CFAP96: variants seen among roughly 807,000 people sequenced by gnomAD.
CFAP96 encodes cilia and flagella associated protein 96.
At chr4:185,415,004 G>GA in the CFAP96 span, 1 of 640,566 alleles carries the variant, frequency 1.6e-6, no homozygotes, top group Non-Finnish European at 2.5e-6. Flanking sequence ...CATGAGAACA[G>GA]AAATTAAATA....
chr4:185,413,131 C>A, the CFAP96 span, among the ~76,000 whole-genome samples: 5 of 152,108 alleles, frequency 3.3e-5, no homozygotes, highest in Non-Finnish European at 7.4e-5. Context: ...ATGGTGAAAT[C>A]CTGTCTCTAC....
the CFAP96 span, chr4:185,426,122 C>T: frequency 1.8e-6 from 1 of 564,542 alleles, no homozygotes; most frequent in Non-Finnish European, 3.2e-6. Context: ...TACAGAAGCT[C>T]ACACATCCTT....
chr4:185,422,633 A>C, the CFAP96 span: 19 of 1,050,390 alleles, frequency 1.8e-5, no homozygotes, highest in Non-Finnish European at 2.6e-5. Flanking sequence ...ATAAATTAGA[A>C]TCTAAGTTTA....
At chr4:185,438,916 A>G in the CFAP96 span, among the ~76,000 whole-genome samples, 6 of 152,242 alleles carry the variant, frequency 3.9e-5, no homozygotes, top group Admixed American at 3.9e-4. Context: ...TGTGAGAGCC[A>G]GACACTGTTA....
chr4:185,422,572 AATAAAG>A, the CFAP96 span: 40 of 1,575,672 alleles, frequency 2.5e-5, no homozygotes, highest in Non-Finnish European at 2.7e-5. Context: ...ACCTAGAACA[AATAAAG>A]ATAAAGACAA....
At chr4:185,412,025 CGAG>C in the CFAP96 span, among the ~76,000 whole-genome samples, 1 of 152,200 alleles carries the variant, frequency 6.6e-6, no homozygotes, top group African/African-American at 2.4e-5. Context: ...GGAACTGTGT[CGAG>C]GAGGCAGAGG....
At chr4:185,432,822 C>T in the CFAP96 span, among the ~76,000 whole-genome samples, 1 of 151,206 alleles carries the variant, frequency 6.6e-6, no homozygotes, top group Non-Finnish European at 1.5e-5. Context: ...ATGATTGAGC[C>T]ACTGCACTCC....
the CFAP96 span, chr4:185,413,631 T>C: frequency 2.3e-5 from 27 of 1,173,456 alleles, no homozygotes; most frequent in Non-Finnish European, 3.1e-5. Flanking sequence ...TAGGAATGAA[T>C]ACATAATGAA....
the CFAP96 span, among the ~76,000 whole-genome samples, chr4:185,427,392 T>TAGCAATGATTCATGCTCAGGTG: frequency 6.6e-6 from 1 of 152,238 alleles, no homozygotes; most frequent in Non-Finnish European, 1.5e-5. Context: ...TGTTACGTAT[T>TAGCAATGATTCATGCTCAGGTG]AGCAATGATT....
the CFAP96 span, among the ~76,000 whole-genome samples, chr4:185,414,655 G>A: frequency 6.6e-6 from 1 of 152,192 alleles, no homozygotes; most frequent in Non-Finnish European, 1.5e-5. Context: ...CCAGTCATGA[G>A]TAAATCTCAT....
the CFAP96 span, among the ~76,000 whole-genome samples, chr4:185,435,215 T>A: frequency 6.6e-6 from 1 of 152,244 alleles, no homozygotes; most frequent in Non-Finnish European, 1.5e-5. Flanking sequence ...TAAAGAGGGA[T>A]TAATTAAAAT....
chr4:185,411,137 G>A, the CFAP96 span, among the ~76,000 whole-genome samples: 1 of 147,422 alleles, frequency 6.8e-6, no homozygotes, highest in African/African-American at 2.5e-5. Context: ...TTTTTTAAAA[G>A]ACACAAGGCA....
chr4:185,445,614 T>A, the CFAP96 span: 25 of 982,186 alleles, frequency 2.5e-5, no homozygotes, highest in South Asian at 3.4e-4. Flanking sequence ...AAAAAGTATA[T>A]TATCAAGGTA....
At chr4:185,422,480 C>T in the CFAP96 span, 274 of 1,603,582 alleles carry the variant, frequency 1.7e-4, no homozygotes, top group Non-Finnish European at 2.2e-4. Context: ...TTTCAGAAGA[C>T]CTACCATTAG....
chr4:185,411,197 A>G, the CFAP96 span, among the ~76,000 whole-genome samples: 1 of 151,878 alleles, frequency 6.6e-6, no homozygotes, highest in East Asian at 1.9e-4. Context: ...TACAAGATAT[A>G]TTAAAACCTA....
chr4:185,441,245 T>G, the CFAP96 span, among the ~76,000 whole-genome samples: 1 of 152,174 alleles, frequency 6.6e-6, no homozygotes, highest in Non-Finnish European at 1.5e-5. Flanking sequence ...ACTGCAGAAG[T>G]TAATAAGTGA....
At chr4:185,445,458 T>C in the CFAP96 span, 2 of 1,358,822 alleles carry the variant, frequency 1.5e-6, no homozygotes, top group Admixed American at 3.7e-5. Flanking sequence ...ACAATTAACA[T>C]TGGCTATTTC....
the CFAP96 span, among the ~76,000 whole-genome samples, chr4:185,443,796 C>T: frequency 6.6e-6 from 1 of 151,332 alleles, no homozygotes; most frequent in Non-Finnish European, 1.5e-5. Flanking sequence ...TTAATTCATT[C>T]ATTTTGCTTT....
the CFAP96 span, among the ~76,000 whole-genome samples, chr4:185,448,864 GAA>G: frequency 0.14 from 20,648 of 152,152 alleles, 1,939 homozygotes; most frequent in African/African-American, 0.27. Context: ...GATGCTGTTA[GAA>G]CTTTGGAACA....
Sources: gnomAD v4.1 joint callset for allele counts (sites outside exome capture counted in the v4.1 genomes callset) on GRCh38, gnomAD v4.1.1 for gene constraint, MANE v1.5 for transcripts, NCBI Gene and HGNC (gene_info 2026-07-23, HGNC 2026-07-21) for gene names.